Variants in PTPRK observed in about 807,000 individuals in gnomAD.
The protein encoded by PTPRK is protein tyrosine phosphatase receptor type K.
PTPRK carries 75 observed loss-of-function variants against 178.0 expected under a neutral mutation model. That is an observed-to-expected ratio of 0.42 (90% CI 0.35 to 0.51). The LOEUF is 0.51. Ranked by LOEUF, PTPRK falls within the 20% of genes least tolerant of loss-of-function variation. The pLI is 0.02. For synonymous variants in PTPRK, 637 were observed against 620.6 expected (o/e 1.03, Z -0.39); for missense variants, 1,441 against 1,797.8 (o/e 0.80, Z 3.59).
In PTPRK at chr6:128,049,973, C is replaced by A. The variant is rs148255044; in HGVS notation, c.2194+14785G>T. Among the ~76,000 whole-genome samples the A allele has an allele frequency of 2.8e-4, 43 of 152,234 alleles. No homozygotes were observed. The East Asian group carries it at 8.3e-3, about 29-fold the overall frequency. ...CCAACCCGGAGAAACGCCATCTCTA[C>A]TAAAAATACAAAATTAGCAGGGCAT... is the stretch of plus-strand genomic sequence containing the variant. On this transcript the variant is annotated intron_variant, in intron 13 of 29. Coordinates refer to ENST00000368226, the MANE Select transcript of PTPRK (RefSeq NM_002844.4).
chr6:128,520,181 G>A, intron 1 of PTPRK, 78 bp downstream of exon 1: 1 of 1,270,894 alleles, frequency 7.9e-7, no homozygotes, highest in Non-Finnish European at 1.1e-6. Context: ...CTTGTCCCCA[G>A]CCCTAGCGGG....
intron 3 of PTPRK, among the ~76,000 whole-genome samples, chr6:128,267,038 T>C (rs1329618083): frequency 6.6e-6 from 1 of 152,148 alleles, no homozygotes; most frequent in Non-Finnish European, 1.5e-5. Flanking sequence ...TGAAATCACA[T>C]AGCTAATTCA....
chr6:128,296,720 G>C (rs1302938217), intron 3 of PTPRK, among the ~76,000 whole-genome samples: 1 of 152,102 alleles, frequency 6.6e-6, no homozygotes, highest in Non-Finnish European at 1.5e-5. Flanking sequence ...AGCTCCTGAA[G>C]GAAGCCCTAA....
Position 128,437,893 on chromosome 6 carries a change from G to A in PTPRK, c.101-40205C>T, listed in dbSNP as rs142656315. Among the ~76,000 whole-genome samples, 326 of 152,356 alleles carry A rather than the reference G, an allele frequency of 2.1e-3. 1 individual carries two copies. Among genetic ancestry groups the A allele is most frequent in the Middle Eastern group, 3.4e-3 (1 of 294 alleles). ...ATTCCCAGAAGGGCAGGGTTAACAG[G>A]ACACAGTCATCCCTCGCATAGGCGG... is the stretch of plus-strand genomic sequence containing the variant. On this transcript the variant is annotated intron_variant, in intron 1 of 29. Coordinates refer to ENST00000368226, the MANE Select transcript of PTPRK (RefSeq NM_002844.4).
At chr6:128,082,688 CTG>C (rs776062430) in intron 9 of PTPRK, 50 bp from the exon 10 acceptor site, 12 of 1,383,016 alleles carry the variant, frequency 8.7e-6, no homozygotes, top group Non-Finnish European at 1.2e-5. Context: ...TCATAAGAAA[CTG>C]TAAATAAACT....
chr6:128,038,942 C>A (rs1174228825), intron 13 of PTPRK, among the ~76,000 whole-genome samples: 1 of 151,880 alleles, frequency 6.6e-6, no homozygotes, highest in Non-Finnish European at 1.5e-5. Context: ...ATCACATAAG[C>A]GAAACTTTTA....
chr6:128,124,184 C>G (rs965016156), intron 7 of PTPRK, among the ~76,000 whole-genome samples: 31 of 152,104 alleles, frequency 2.0e-4, no homozygotes, highest in Admixed American at 1.5e-3. Flanking sequence ...GCTGGGATTA[C>G]AGGCATGCAC....
At chr6:128,511,732 C>G (rs1229517495) in intron 1 of PTPRK, among the ~76,000 whole-genome samples, 1 of 152,200 alleles carries the variant, frequency 6.6e-6, no homozygotes, top group Non-Finnish European at 1.5e-5. Flanking sequence ...AAAGAAATGT[C>G]TAATCTTTAA....
intron 6 of PTPRK, among the ~76,000 whole-genome samples, chr6:128,187,982 T>C (rs1386194345): frequency 6.6e-6 from 1 of 152,148 alleles, no homozygotes; most frequent in Admixed American, 6.5e-5. Context: ...AAATTATGCA[T>C]GAATTTTAAT....
rs544948994 is a variant in PTPRK at position 128,240,781 on chromosome 6, T to C, written c.578-631A>G. ...AGTAATCCAAAATAAATACCCATAT[T>C]AGACTAACAAAAATAATGACTGCAG... On this transcript the variant is annotated intron_variant, in intron 4 of 29. Transcript: ENST00000368226. 2.0e-5 allele frequency among the ~76,000 whole-genome samples: 3 copies of C among 152,328 alleles called. No homozygotes were observed. In the East Asian group the frequency reaches 5.8e-4, roughly 29 times the overall value.
At chr6:128,468,162 C>T (rs1021302828) in intron 1 of PTPRK, among the ~76,000 whole-genome samples, 1 of 152,158 alleles carries the variant, frequency 6.6e-6, no homozygotes, top group Admixed American at 6.6e-5. Context: ...TAAATAAAGA[C>T]TATTCTGATT....
intron 7 of PTPRK, among the ~76,000 whole-genome samples, chr6:128,096,354 C>T (rs954050677): frequency 3.3e-5 from 5 of 152,242 alleles, no homozygotes; most frequent in Non-Finnish European, 5.9e-5. Context: ...TGATTTAACA[C>T]GTGGTTCTAG....
chr6:128,181,637 A>C (rs998274803), intron 7 of PTPRK, among the ~76,000 whole-genome samples: 1 of 152,068 alleles, frequency 6.6e-6, no homozygotes, highest in African/African-American at 2.4e-5. Flanking sequence ...AGTTTTTGCA[A>C]TCTGTACTAA....
At chr6:128,333,578 C>A (rs950581462) in intron 2 of PTPRK, among the ~76,000 whole-genome samples, 2 of 152,034 alleles carry the variant, frequency 1.3e-5, no homozygotes, top group Non-Finnish European at 1.5e-5. Context: ...GAGCCTTCAG[C>A]AAGTCATTAT....
chr6:128,162,306 T>G (rs1798818094), intron 7 of PTPRK, among the ~76,000 whole-genome samples: 1 of 151,692 alleles, frequency 6.6e-6, no homozygotes, highest in Non-Finnish European at 1.5e-5. Context: ...TTTTAAAATC[T>G]AAATTTACTC....
At chr6:128,345,784 T>C (rs1832349721) in intron 2 of PTPRK, among the ~76,000 whole-genome samples, 1 of 152,184 alleles carries the variant, frequency 6.6e-6, no homozygotes. Context: ...ATACATCTGG[T>C]TTCCCATTAA....
rs944944578 is a variant in PTPRK, at chr6:128,151,247, G to C, written c.1162+33185C>G. Among the ~76,000 whole-genome samples the C allele has an allele frequency of 4.6e-5, 7 of 151,894 alleles. No homozygotes were observed. The East Asian group carries it at 1.2e-3, about 25-fold the overall frequency. On this transcript the variant is annotated intron_variant, in intron 7 of 29. Transcript: ENST00000368226. ...ATTTCAGCTTTCCTTTTGTCCATTA[G>C]TAATGTACTTGGAACTATATTTTTA... is the stretch of plus-strand genomic sequence containing the variant.
At chr6:128,064,616 A>G in intron 13 of PTPRK, 142 bp downstream of exon 13, 1 of 972,842 alleles carries the variant, frequency 1.0e-6, no homozygotes, top group Non-Finnish European at 1.4e-6. Flanking sequence ...GCACCCCATT[A>G]GTTGTTAAAG....
chr6:128,067,746 T>C lies in PTPRK; in HGVS notation c.1930A>G (p.Arg644Gly), dbSNP rs1410547835. 1 of 1,612,892 alleles carries C rather than the reference T, an allele frequency of 6.2e-7. No homozygotes were observed. Among genetic ancestry groups the C allele is most frequent in the African/African-American group, 1.3e-5 (1 of 74,888 alleles). ...VEELHPHRTK[R>G]EAGAMECYQV... ...TAGCATTCCATGGCTCCGGCTTCTC[T>C]CTTGGTTCGGTGTGGGTGCAGTTCT... Residue 644 changes from arginine to glycine, a missense_variant, in exon 12 of 30, where the codon AGA becomes GGA. Physicochemically the swap from Arg to Gly is moderately radical, Grantham distance 125 (BLOSUM62 -2). Transcript: ENST00000368226.
Sources: allele counts gnomAD v4.1 joint callset (sites outside exome capture counted in the v4.1 genomes callset), GRCh38; gene constraint gnomAD v4.1.1; transcripts MANE v1.5; gene names NCBI Gene and HGNC (gene_info 2026-07-23, HGNC 2026-07-21).